The following MEX3D variants were observed in gnomAD, a reference collection of about 807,000 sequenced individuals.
The protein encoded by MEX3D is mex-3 RNA binding family member D.
In MEX3D, 4 loss-of-function variants were observed where a neutral mutation model predicts 6.3. The observed-to-expected ratio is 0.64, with a 90% CI of 0.31 to 1.46. MEX3D has a LOEUF of 1.46. Among genes scored for constraint, MEX3D ranks in the 40% most tolerant of loss-of-function variants. The pLI is 0.07. For synonymous variants in MEX3D, 626 were observed against 494.1 expected (o/e 1.27, Z -3.54); for missense variants, 1,038 against 994.4 (o/e 1.04, Z -0.59).
At position 1,556,734 on chromosome 19, in the gene MEX3D, C is replaced by A. The variant is rs930880607; in HGVS notation, c.785G>T (p.Gly262Val). Reference protein sequence around the residue: ...ATRSKAGGLPGAAQGPPNLPG... With the variant: ...ATRSKAGGLPVAAQGPPNLPG... Reference sequence around the variant, plus strand: ...AAGGTTGGGCGGGCCCTGGGCGGCGCCGGGCAGACCCCCGGCCTTGCTGCG... The same window carrying A: ...AAGGTTGGGCGGGCCCTGGGCGGCGACGGGCAGACCCCCGGCCTTGCTGCG... The change falls in exon 2 of 2, where the codon GGC becomes GTC. Residue 262 changes from glycine to valine, a missense_variant. Physicochemically the swap from Gly to Val is moderately radical, Grantham distance 109. Around this residue, in one of 5 missense-constraint regions of MEX3D, gnomAD observed 52 missense variants for 37.4 expected, o/e 1.39. Transcript: ENST00000402693. This position sits in a 1 kb window ranked among gnomAD's most constrained non-coding sequence, Gnocchi z 7.5. 1 of 1,611,700 alleles carries A rather than the reference C, an allele frequency of 6.2e-7. No homozygotes were observed. The highest frequency in any genetic ancestry group is 8.5e-7 in the Non-Finnish European group (1 of 1,179,368).
At chr19:1,565,078 C>T (rs944279193) in intron 1 of MEX3D, among the ~76,000 whole-genome samples, 5 of 152,106 alleles carry the variant, frequency 3.3e-5, no homozygotes, top group African/African-American at 1.2e-4. Flanking sequence ...TGTGTGTGAC[C>T]TGGAGCTGGG....
intron 1 of MEX3D, among the ~76,000 whole-genome samples, chr19:1,560,983 G>T: frequency 1.3e-5 from 2 of 152,226 alleles, no homozygotes; most frequent in South Asian, 4.1e-4. Flanking sequence ...GACACCGAAG[G>T]TTGGCAGGCA....
chr19:1,566,677 C>A (rs1914849234), intron 1 of MEX3D, among the ~76,000 whole-genome samples: 1 of 151,974 alleles, frequency 6.6e-6, no homozygotes, highest in Admixed American at 6.5e-5. Context: ...CTGCCCACCA[C>A]CCGCCCGCCC....
Position 1,567,869 on chromosome 19 carries a change from C to T in MEX3D, c.190G>A (p.Asp64Asn), listed in dbSNP as rs1279686944. ...CCCAGCCCGAGCGCCGACAGCTGGTCCAGCGCCAGGCGGAGCGCGGCGGCC... is the reference window on the plus strand; with the variant it reads ...CCCAGCCCGAGCGCCGACAGCTGGTTCAGCGCCAGGCGGAGCGCGGCGGCC... ...DAAAALRLAL[D>N]QLSALGLGGA... The change falls in exon 1 of 2, where the codon GAC (aspartate) becomes AAC (asparagine). Residue 64 changes from aspartate (D) to asparagine (N), a missense_variant. Coordinates refer to ENST00000402693, the MANE Select transcript of MEX3D (RefSeq NM_203304.4). The surrounding 1 kb of genome is among the most constrained non-coding windows in gnomAD (Gnocchi z 6.5). The T allele has an allele frequency of 3.0e-6, 3 of 990,328 alleles. No homozygotes were observed. The highest frequency in any genetic ancestry group is 3.6e-6 in the Non-Finnish European group (3 of 835,916). The allele number at this position is 990,328 out of a possible 1,614,324, so 61.3% of individuals were successfully genotyped here.
At position 1,555,700 on chromosome 19, in the gene MEX3D, C is replaced by T; in HGVS notation, c.1819G>A (p.Glu607Lys). Residue 607 changes from glutamate to lysine, a missense_variant, in exon 2 of 2, where the codon GAG (glutamate) becomes AAG (lysine). Coordinates refer to ENST00000402693, the MANE Select transcript of MEX3D (RefSeq NM_203304.4). Reference sequence around the variant, plus strand: ...CAGGGGACCAGCGCAGCCATCACCTCGCCCTCGGCGCACACCACGCACTCT... The same window carrying T: ...CAGGGGACCAGCGCAGCCATCACCTTGCCCTCGGCGCACACCACGCACTCT... Reference protein sequence around the residue: ...ARECVVCAEGEVMAALVPCGH... With the variant: ...ARECVVCAEGKVMAALVPCGH... 5 of 1,555,522 alleles carry T rather than the reference C, an allele frequency of 3.2e-6. No individual in the cohort carries two copies. Among genetic ancestry groups the T allele is most frequent in the Non-Finnish European group, 4.3e-6 (5 of 1,155,742 alleles).
chr19:1,556,739 C>A lies in MEX3D; in HGVS notation c.780G>T (p.Leu260=), dbSNP rs1443447977. The A allele has an allele frequency of 6.2e-7, 1 of 1,611,922 alleles. No individual in the cohort carries two copies. Among genetic ancestry groups the A allele is most frequent in the Non-Finnish European group, 8.5e-7 (1 of 1,179,468 alleles). Reference sequence around the variant, plus strand: ...TGGGCGGGCCCTGGGCGGCGCCGGGCAGACCCCCGGCCTTGCTGCGCGTGG... The same window carrying A: ...TGGGCGGGCCCTGGGCGGCGCCGGGAAGACCCCCGGCCTTGCTGCGCGTGG... ...IRATRSKAGG[L]PGAAQGPPNL... Residue 260 remains leucine, a synonymous_variant, in exon 2 of 2, where the codon CTG becomes CTT. Transcript: ENST00000402693. This position sits in a 1 kb window ranked among gnomAD's most constrained non-coding sequence, Gnocchi z 7.5.
intron 1 of MEX3D, among the ~76,000 whole-genome samples, chr19:1,566,201 G>C (rs761422852): frequency 8.5e-5 from 13 of 152,190 alleles, no homozygotes; most frequent in Non-Finnish European, 1.6e-4. Context: ...GACTGAGACA[G>C]AACCCAGTCC....
At position 1,556,102 on chromosome 19, in the gene MEX3D, A is replaced by T. The variant is rs1914540372; in HGVS notation, c.1417T>A (p.Trp473Arg). The stretch of plus-strand genomic sequence containing the variant: ...GGGGCGGCGCGCTCAAAAGGCGCCC[A>T]GATGGTGGCCGCGGCGGGCACGGTC... ...DLTVPAAATI[W>R]APFERAAPLP... The change falls in exon 2 of 2, where the codon TGG becomes AGG. Residue 473 changes from tryptophan to arginine, a missense_variant. By Grantham distance (101) the Trp-to-Arg change is moderately radical. Around this residue, in one of 5 missense-constraint regions of MEX3D, gnomAD observed 581 missense variants for 516.2 expected, o/e 1.13. Transcript: ENST00000402693. This position sits in a 1 kb window ranked among gnomAD's most constrained non-coding sequence, Gnocchi z 7.5. 6.9e-7 allele frequency: 1 copy of T among 1,447,434 alleles called. No individual in the cohort carries two copies. The highest frequency in any genetic ancestry group is 9.1e-7 in the Non-Finnish European group (1 of 1,099,480). 89.7% of individuals were successfully genotyped at this position (1,447,434 alleles called of 1,614,324 possible).
chr19:1,559,601 C>CA (rs1198621684), intron 1 of MEX3D, among the ~76,000 whole-genome samples: 2 of 152,216 alleles, frequency 1.3e-5, no homozygotes, highest in Non-Finnish European at 2.9e-5. Context: ...CACAACCCCT[C>CA]AGGCTCTGGG....
At chr19:1,560,313 CCAGCAAG>C (rs1914685069) in intron 1 of MEX3D, among the ~76,000 whole-genome samples, 1 of 152,156 alleles carries the variant, frequency 6.6e-6, no homozygotes, top group Non-Finnish European at 1.5e-5. Flanking sequence ...GAGTGGAGAC[CCAGCAAG>C]GCTGGGGAAG....
Position 1,564,653 on chromosome 19 carries a change from G to A in MEX3D, c.595+2811C>T, listed in dbSNP as rs557873285. On this transcript the variant is annotated intron_variant, in intron 1 of 1. Coordinates refer to ENST00000402693, the MANE Select transcript of MEX3D (RefSeq NM_203304.4). The stretch of plus-strand genomic sequence containing the variant: ...CAGAAAGCACTCGGACCCCCTCTAG[G>A]ATCAAGAGAACTGAAGCTCAGAGAA... Among the ~76,000 whole-genome samples, 8 of 152,198 alleles carry A rather than the reference G, an allele frequency of 5.3e-5. 1 individual carries two copies. The East Asian group carries it at 1.5e-3, about 29-fold the overall frequency.
Position 1,555,374 on chromosome 19 carries a change from G to GTCTCCCGGCTGCGGGC in MEX3D, c.*188_*189insGCCCGCAGCCGGGAGA, listed in dbSNP as rs1914491778. 2 of 1,600,350 alleles carry GTCTCCCGGCTGCGGGC rather than the reference G, an allele frequency of 1.2e-6. No individual in the cohort carries two copies. The highest frequency in any genetic ancestry group is 1.7e-6 in the Non-Finnish European group (2 of 1,172,818). On this transcript the variant is annotated 3_prime_UTR_variant, in exon 2 of 2. Transcript: ENST00000402693. Reference sequence around the variant, plus strand: ...GGCTGAGGCGCCGCCGGGCTGCGGGGTCTCCGTCTCCACGCCTGAGGCGGC... The same window carrying GTCTCCCGGCTGCGGGC: ...GGCTGAGGCGCCGCCGGGCTGCGGGGTCTCCCGGCTGCGGGCTCTCCGTCTCCACGCCTGAGGCGGC...
At position 1,566,930 on chromosome 19, in the gene MEX3D, G is replaced by C. The variant is rs561471128; in HGVS notation, c.595+534C>G. Among the ~76,000 whole-genome samples, 115 of 152,182 alleles carry C rather than the reference G, an allele frequency of 7.6e-4. 1 individual carries two copies. The highest frequency in any genetic ancestry group is 2.6e-3 in the African/African-American group (107 of 41,546). On this transcript the variant is annotated intron_variant, in intron 1 of 1. Coordinates refer to ENST00000402693, the MANE Select transcript of MEX3D (RefSeq NM_203304.4). ...ATCCCTGACTCGGGGCCAGAGAGTG[G>C]AGCAGGGACCCTCTCCTGCCCGGTC...
intron 1 of MEX3D, among the ~76,000 whole-genome samples, chr19:1,557,467 G>A (rs2145569768): frequency 6.6e-6 from 1 of 151,276 alleles, no homozygotes; most frequent in Non-Finnish European, 1.5e-5. Flanking sequence ...TTGGGAGGCT[G>A]AGGCAGGAGA....
At chr19:1,558,985 T>C (rs1050895248) in intron 1 of MEX3D, among the ~76,000 whole-genome samples, 6 of 151,750 alleles carry the variant, frequency 4.0e-5, no homozygotes, top group African/African-American at 1.2e-4. Context: ...TAATGGTTTT[T>C]TTTTTTTTCT....
chr19:1,565,426 C>A (rs947767277), intron 1 of MEX3D, among the ~76,000 whole-genome samples: 11 of 152,132 alleles, frequency 7.2e-5, no homozygotes, highest in African/African-American at 2.7e-4. Context: ...CTTGTAATCC[C>A]AGCTACTCAG....
chr19:1,567,001 C>T lies in MEX3D; in HGVS notation c.595+463G>A, dbSNP rs900199544. Among the ~76,000 whole-genome samples the T allele has an allele frequency of 1.3e-5, 2 of 152,084 alleles. No homozygotes were observed. The highest frequency in any genetic ancestry group is 2.4e-5 in the African/African-American group (1 of 41,424). On this transcript the variant is annotated intron_variant, in intron 1 of 1. Coordinates refer to ENST00000402693, the MANE Select transcript of MEX3D (RefSeq NM_203304.4). The surrounding 1 kb of genome is among the most constrained non-coding windows in gnomAD (Gnocchi z 6.5). The stretch of plus-strand genomic sequence containing the variant: ...GCCCCAGGCTGGAGACTGAGACGTG[C>T]GCTCTTTGTACTGTCAGCCTTCTCT...
intron 1 of MEX3D, among the ~76,000 whole-genome samples, chr19:1,565,249 T>C (rs1296235644): frequency 6.6e-6 from 1 of 151,758 alleles, no homozygotes; most frequent in Non-Finnish European, 1.5e-5. Context: ...TAAAAACAAA[T>C]AAATAAAACT....
In MEX3D at chr19:1,555,431, G is replaced by GGGCCC; in HGVS notation, c.*131_*132insGGGCC. The stretch of plus-strand genomic sequence containing the variant: ...AGCTCATCTGTAAACACTGGCCGCC[G>GGGCCC]CCCACCCCCCTGCCCCCTCGGCCTC... On this transcript the variant is annotated 3_prime_UTR_variant, in exon 2 of 2. Transcript: ENST00000402693. 1.2e-5 allele frequency: 18 copies of GGGCCC among 1,453,884 alleles called. No individual in the cohort carries two copies. Among genetic ancestry groups the GGGCCC allele is most frequent in the Middle Eastern group, 2.4e-4 (1 of 4,120 alleles). 90.1% of individuals were successfully genotyped at this position (1,453,884 alleles called of 1,614,324 possible). A position where few individuals can be genotyped will look rare whatever the true frequency, so the allele number is the denominator to read the frequency against.
Sources: gnomAD v4.1 joint callset for allele counts (sites outside exome capture counted in the v4.1 genomes callset) on GRCh38, gnomAD v4.1.1 for gene constraint, gnomAD v4.1.1 regional missense constraint, Gnocchi (gnomAD v3.1) non-coding constraint, MANE v1.5 for transcripts, NCBI Gene and HGNC (gene_info 2026-07-23, HGNC 2026-07-21) for gene names.